VGLL4: variants seen among roughly 807,000 people sequenced by gnomAD.
VGLL4 encodes the protein transcription cofactor vestigial-like protein 4.
Under a neutral mutation model 21.0 loss-of-function variants are expected in VGLL4, and 7 were observed. The observed-to-expected ratio is 0.33, with a 90% CI of 0.19 to 0.63. The LOEUF (loss-of-function observed/expected upper bound fraction) is 0.63, where lower values mean the gene tolerates loss of function less well. Ranked by LOEUF, VGLL4 falls within the 20% of genes least tolerant of loss-of-function variation. The probability of loss-of-function intolerance (pLI) is 0.78; values close to 1 mark genes in which losing one functional copy is unlikely to be tolerated. For missense variants in VGLL4, 394 were observed against 425.7 expected (o/e 0.93, Z 0.66); for synonymous variants, 222 against 173.2 (o/e 1.28, Z -2.21).
chr3:11,703,361 G>GTA (rs2076710580), intron 1 of VGLL4, among the ~76,000 whole-genome samples: 1 of 152,190 alleles, frequency 6.6e-6, no homozygotes, highest in Non-Finnish European at 1.5e-5. Flanking sequence ...TAACATGCCT[G>GTA]TATAAACATG....
intron 2 of VGLL4, among the ~76,000 whole-genome samples, chr3:11,658,215 G>A (rs144236453): frequency 1.3e-5 from 2 of 152,270 alleles, no homozygotes; most frequent in Admixed American, 1.3e-4. Flanking sequence ...GATTACAGAC[G>A]TGAGCCACCA....
At chr3:11,634,321 G>A (rs1233100616) in intron 1 of VGLL4, among the ~76,000 whole-genome samples, 3 of 151,966 alleles carry the variant, frequency 2.0e-5, no homozygotes, top group Non-Finnish European at 4.4e-5. Flanking sequence ...TGTCTCCTAC[G>A]TCCTCTCCCT....
chr3:11,593,154 G>T (rs2074542091), intron 2 of VGLL4, among the ~76,000 whole-genome samples: 1 of 152,176 alleles, frequency 6.6e-6, no homozygotes, highest in Non-Finnish European at 1.5e-5. Flanking sequence ...ATGAGGAATT[G>T]CTTCCTTCAC....
upstream of VGLL4, among the ~76,000 whole-genome samples, chr3:11,644,590 G>T (rs1362892718): frequency 1.3e-5 from 2 of 152,108 alleles, no homozygotes; most frequent in Non-Finnish European, 2.9e-5. Flanking sequence ...GGGTGTAGTG[G>T]CTCACACCTG....
At chr3:11,587,551 G>A (rs373227092) in intron 2 of VGLL4, among the ~76,000 whole-genome samples, 7 of 152,268 alleles carry the variant, frequency 4.6e-5, no homozygotes, top group African/African-American at 1.7e-4. Context: ...GAAAACAGCC[G>A]AAAAACACTT....
intron 1 of VGLL4, among the ~76,000 whole-genome samples, chr3:11,716,134 T>C (rs978612654): frequency 6.6e-6 from 1 of 151,758 alleles, no homozygotes; most frequent in Non-Finnish European, 1.5e-5. Context: ...AAGCCCCGTA[T>C]CTACTAAAAA....
intron 2 of VGLL4, among the ~76,000 whole-genome samples, chr3:11,676,641 A>G (rs1202593066): frequency 1.3e-5 from 2 of 151,976 alleles, no homozygotes; most frequent in East Asian, 3.8e-4. Flanking sequence ...GAACAGTTTG[A>G]ATATATTTGG....
At chr3:11,640,776 A>C (rs2075673961) in intron 1 of VGLL4, among the ~76,000 whole-genome samples, 1 of 152,190 alleles carries the variant, frequency 6.6e-6, no homozygotes, top group Admixed American at 6.5e-5. Context: ...TACAAGGTAA[A>C]CGGCTAAAAA....
intron 2 of VGLL4, among the ~76,000 whole-genome samples, chr3:11,678,265 A>G (rs2125377078): frequency 6.6e-6 from 1 of 152,340 alleles, no homozygotes; most frequent in East Asian, 1.9e-4. Context: ...TATGTTGGCC[A>G]GGCTGGTCTC....
chr3:11,658,674 T>C (rs942018852), intron 2 of VGLL4, among the ~76,000 whole-genome samples: 12 of 136,728 alleles, frequency 8.8e-5, no homozygotes, highest in African/African-American at 3.5e-4. Context: ...TGGCACGCTA[T>C]TCTTCATGAG....
chr3:11,676,270 C>G (rs1299238624), intron 2 of VGLL4, among the ~76,000 whole-genome samples: 1 of 151,926 alleles, frequency 6.6e-6, no homozygotes, highest in African/African-American at 2.4e-5. Flanking sequence ...GCCTGTAGTC[C>G]CAGCTACTCG....
chr3:11,560,228 T>C (rs2072859207), intron 3 of VGLL4, among the ~76,000 whole-genome samples: 1 of 152,170 alleles, frequency 6.6e-6, no homozygotes, highest in African/African-American at 2.4e-5. Flanking sequence ...GGTGCTCCCG[T>C]AAGACCATGC....
intron 2 of VGLL4, among the ~76,000 whole-genome samples, chr3:11,681,632 C>T (rs564944151): frequency 8.5e-4 from 130 of 152,322 alleles, no homozygotes; most frequent in African/African-American, 3.1e-3. Flanking sequence ...AAATGTTTTA[C>T]TATATAGTAT....
At chr3:11,605,766 G>A (rs2074925731) in intron 1 of VGLL4, among the ~76,000 whole-genome samples, 1 of 152,188 alleles carries the variant, frequency 6.6e-6, no homozygotes, top group South Asian at 2.1e-4. Context: ...CTGAATCAAT[G>A]AGGCAAGGTG....
chr3:11,720,238 A>G (rs9858839), intron 1 of VGLL4, among the ~76,000 whole-genome samples: 152,039 of 152,042 alleles, frequency 1, 76,018 homozygotes, highest in Non-Finnish European at 1. Context: ...GAGCAGCCGG[A>G]TAAGGGCGCA....
At chr3:11,676,427 A>G (rs1460047672) in intron 2 of VGLL4, among the ~76,000 whole-genome samples, 1 of 150,302 alleles carries the variant, frequency 6.7e-6, no homozygotes, top group Non-Finnish European at 1.5e-5. Context: ...AATAATAATA[A>G]TAATAATAAT....
intron 1 of VGLL4, among the ~76,000 whole-genome samples, chr3:11,614,341 T>C (rs768423387): frequency 2.4e-4 from 37 of 152,330 alleles, no homozygotes; most frequent in Middle Eastern, 3.4e-3. Flanking sequence ...ACTACTCATT[T>C]CTCAGCAACA....
intron 2 of VGLL4, among the ~76,000 whole-genome samples, chr3:11,587,443 G>A (rs1382952031): frequency 6.6e-6 from 1 of 152,216 alleles, no homozygotes; most frequent in East Asian, 1.9e-4. Context: ...AAATGATGTG[G>A]TGTCATTCAA....
At chr3:11,592,451 G>A (rs1341010651) in intron 2 of VGLL4, among the ~76,000 whole-genome samples, 1 of 152,148 alleles carries the variant, frequency 6.6e-6, no homozygotes, top group Non-Finnish European at 1.5e-5. Flanking sequence ...AGGCTGTGGG[G>A]ACCTGGAGTG....
Sources: gnomAD v4.1 joint callset for allele counts (sites outside exome capture counted in the v4.1 genomes callset) on GRCh38, gnomAD v4.1.1 for gene constraint, MANE v1.5 for transcripts, NCBI Gene and HGNC (gene_info 2026-07-23, HGNC 2026-07-21) for gene names.